OSBPL9: variants seen among roughly 807,000 people sequenced by gnomAD.
The protein encoded by OSBPL9 is oxysterol binding protein like 9.
Under a neutral mutation model 106.6 loss-of-function variants are expected in OSBPL9, and 40 were observed. That is an observed-to-expected ratio of 0.38 (90% CI 0.29 to 0.49). OSBPL9 has a LOEUF of 0.49. OSBPL9 is among the 20% of genes least tolerant of loss of function. The pLI is 0.97. For synonymous variants in OSBPL9, 269 were observed against 295.4 expected, an observed-to-expected ratio of 0.91 and a Z score of 0.92; for missense variants, 609 against 887.2, an observed-to-expected ratio of 0.69 and a Z score of 3.98.
intron 1 of OSBPL9, among the ~76,000 whole-genome samples, chr1:51,641,551 CTT>C (rs1230154859): frequency 1.3e-5 from 2 of 152,166 alleles, no homozygotes; most frequent in Non-Finnish European, 2.9e-5. Flanking sequence ...TTATGTGACT[CTT>C]TCAGAAATTT....
rs199650810 is a variant in OSBPL9, at chr1:51,674,065, C to CT, written c.241+4568dup. Reference sequence around the variant, plus strand: ...TTCTTTCCTTTGTTTTCTTCTTCTTCTTTTTTTTTTTTTTTCAGGGCCTTG... The same window carrying CT: ...TTCTTTCCTTTGTTTTCTTCTTCTTCTTTTTTTTTTTTTTTTCAGGGCCTTG... On this transcript the variant is annotated intron_variant, in intron 3 of 23. Coordinates refer to ENST00000428468, the MANE Select transcript of OSBPL9 (RefSeq NM_024586.6). Among the ~76,000 whole-genome samples the CT allele has an allele frequency of 2.4e-3, 320 of 133,058 alleles. 1 individual carries two copies. The highest frequency in any genetic ancestry group is 3.7e-3 in the Middle Eastern group (1 of 268). 87.3% of individuals were successfully genotyped at this position (133,058 alleles called of 152,430 possible). A position where few individuals can be genotyped will look rare whatever the true frequency, so the allele number is the denominator to read the frequency against.
At position 51,657,125 on chromosome 1, in the gene OSBPL9, T is replaced by C. The variant is rs76486246; in HGVS notation, c.162+5084T>C. Among the ~76,000 whole-genome samples, 352 of 152,358 alleles carry C rather than the reference T, an allele frequency of 2.3e-3. 3 individuals are homozygous for C. Among genetic ancestry groups the C allele is most frequent in the African/African-American group, 8.1e-3 (337 of 41,580 alleles). On this transcript the variant is annotated intron_variant, in intron 2 of 23. Transcript: ENST00000428468. ...CATAATAAATACTCAAAAATGCTTA[T>C]TGTTAATTTTATGTATTTATGAAAA... is the stretch of plus-strand genomic sequence containing the variant.
At chr1:51,712,294 CG>C (rs1660219320) in intron 3 of OSBPL9, among the ~76,000 whole-genome samples, 2 of 152,248 alleles carry the variant, frequency 1.3e-5, no homozygotes, top group South Asian at 4.1e-4. Flanking sequence ...CGCAGGCACT[CG>C]GCAGGCTGAG....
At chr1:51,643,013 C>T (rs760383173) in intron 1 of OSBPL9, among the ~76,000 whole-genome samples, 1 of 152,178 alleles carries the variant, frequency 6.6e-6, no homozygotes, top group Non-Finnish European at 1.5e-5. Flanking sequence ...TATTTTGGCT[C>T]ATGGTTTTAG....
At chr1:51,778,952 T>C (rs940750892) in intron 15 of OSBPL9, among the ~76,000 whole-genome samples, 1 of 152,180 alleles carries the variant, frequency 6.6e-6, no homozygotes, top group African/African-American at 2.4e-5. Context: ...ATGAATTAAA[T>C]TAGTAATTGA....
intron 4 of OSBPL9, among the ~76,000 whole-genome samples, chr1:51,731,843 GAAAC>G (rs1004897776): frequency 6.6e-6 from 1 of 151,574 alleles, no homozygotes; most frequent in Non-Finnish European, 1.5e-5. Context: ...GCTTAAGTGA[GAAAC>G]AAGAAAGACA....
chr1:51,773,753 C>T (rs1674438132), intron 14 of OSBPL9, among the ~76,000 whole-genome samples: 1 of 152,156 alleles, frequency 6.6e-6, no homozygotes, highest in Non-Finnish European at 1.5e-5. Flanking sequence ...AAGACTAATT[C>T]ATAATACCTT....
Position 51,730,227 on chromosome 1 carries a change from G to A in OSBPL9, c.319-15309G>A. ...TGAGGTCAGGGCCTCCAGTTCCACCGAGAGGGCATTCGCCCCCAAATGAGA... is the reference window on the plus strand; with the variant it reads ...TGAGGTCAGGGCCTCCAGTTCCACCAAGAGGGCATTCGCCCCCAAATGAGA... On this transcript the variant is annotated intron_variant, in intron 4 of 23. Coordinates refer to ENST00000428468, the MANE Select transcript of OSBPL9 (RefSeq NM_024586.6). The A allele has an allele frequency of 4.4e-6, 5 of 1,129,250 alleles. No individual in the cohort carries two copies. In the South Asian group the frequency reaches 2.3e-4, roughly 53 times the overall value. The allele number at this position is 1,129,250 out of a possible 1,614,324, so 70.0% of individuals were successfully genotyped here. A position where few individuals can be genotyped will look rare whatever the true frequency, so the allele number is the denominator to read the frequency against.
the OSBPL9 span, among the ~76,000 whole-genome samples, chr1:51,553,172 A>AGGCC: frequency 6.6e-6 from 1 of 151,994 alleles, no homozygotes; most frequent in Non-Finnish European, 1.5e-5. Flanking sequence ...TAGTTCTAGG[A>AGGCC]GGCCGGGGAA....
At chr1:51,740,116 T>A (rs1666569988) in intron 4 of OSBPL9, 19 of 1,549,332 alleles carry the variant, frequency 1.2e-5, no homozygotes, top group Non-Finnish European at 1.7e-5. Flanking sequence ...AACTTTCTAT[T>A]CTCTCTTTTC....
the OSBPL9 span, among the ~76,000 whole-genome samples, chr1:51,518,725 C>T: frequency 3.9e-5 from 6 of 152,108 alleles, no homozygotes; most frequent in African/African-American, 1.4e-4. Context: ...CTCTGGAAGG[C>T]AACTCCTACT....
chr1:51,732,722 ACTCCC>A (rs1278151511), intron 4 of OSBPL9, among the ~76,000 whole-genome samples: 3 of 151,896 alleles, frequency 2.0e-5, no homozygotes, highest in African/African-American at 4.8e-5. Flanking sequence ...CTGTCACTGG[ACTCCC>A]CTTACCCCAT....
chr1:51,742,180 C>T (rs1474937717), intron 4 of OSBPL9, among the ~76,000 whole-genome samples: 1 of 152,054 alleles, frequency 6.6e-6, no homozygotes, highest in Non-Finnish European at 1.5e-5. Context: ...TAGTTCCTGC[C>T]CTTGTGGAGT....
intron 3 of OSBPL9, among the ~76,000 whole-genome samples, chr1:51,688,549 C>T (rs138867804): frequency 6.6e-5 from 10 of 151,960 alleles, no homozygotes; most frequent in African/African-American, 1.7e-4. Context: ...TCTAGGAGTT[C>T]GAGGCTGCTG....
At chr1:51,583,982 G>T (rs1022321704) in intron 1 of OSBPL9, among the ~76,000 whole-genome samples, 1 of 151,894 alleles carries the variant, frequency 6.6e-6, no homozygotes, top group Non-Finnish European at 1.5e-5. Flanking sequence ...CCCCATACCT[G>T]AACTAATGAT....
At chr1:51,576,795 G>A (rs1645186684), upstream of OSBPL9, among the ~76,000 whole-genome samples, 1 of 152,096 alleles carries the variant, frequency 6.6e-6, no homozygotes. Flanking sequence ...CCAAAGTATT[G>A]GGATTACAGG....
intron 1 of OSBPL9, among the ~76,000 whole-genome samples, chr1:51,635,187 T>C (rs2148661747): frequency 6.6e-6 from 1 of 152,290 alleles, no homozygotes; most frequent in Non-Finnish European, 1.5e-5. Context: ...CAGAGTGTGA[T>C]GGGTCATACC....
chr1:51,774,732 T>C (rs1478958050), intron 14 of OSBPL9, among the ~76,000 whole-genome samples: 2 of 152,194 alleles, frequency 1.3e-5, no homozygotes, highest in African/African-American at 4.8e-5. Context: ...TGAACCCAGG[T>C]TGAAGACAGC....
intron 3 of OSBPL9, chr1:51,669,800 T>C (rs1036863411): frequency 1.8e-6 from 1 of 541,618 alleles, no homozygotes; most frequent in Admixed American, 2.2e-5. Context: ...TGCTGCTGGC[T>C]TGTGTTTACA....
Sources: gnomAD v4.1 joint callset for allele counts (sites outside exome capture counted in the v4.1 genomes callset) on GRCh38, gnomAD v4.1.1 for gene constraint, MANE v1.5 for transcripts, NCBI Gene and HGNC (gene_info 2026-07-23, HGNC 2026-07-21) for gene names.